The following CEP63 variants were observed in gnomAD, a reference collection of about 807,000 sequenced individuals.
The protein encoded by CEP63 is centrosomal protein 63, also known as centrosomal protein of 63 kDa.
A neutral mutation model predicts 89.1 loss-of-function variants in CEP63; 84 were observed. The ratio of observed to expected loss-of-function variants is 0.94; its 90% confidence interval spans 0.79 to 1.13. The LOEUF (loss-of-function observed/expected upper bound fraction) is 1.13. CEP63 is among the 50% of genes most tolerant of loss of function. The pLI is 0.00. For synonymous variants in CEP63, 267 were observed against 272.5 expected (o/e 0.98, Z 0.20); for missense variants, 838 against 813.3 (o/e 1.03, Z -0.37).
chr3:134,532,926 A>T (rs376732231), intron 5 of CEP63, 26 bp downstream of exon 5: 274 of 1,611,750 alleles, frequency 1.7e-4, no homozygotes, highest in Non-Finnish European at 2.2e-4. Flanking sequence ...TAATTTGTTC[A>T]TAGTGATTGT....
the CEP63 span, among the ~76,000 whole-genome samples, chr3:134,622,723 G>A: frequency 5.5e-4 from 84 of 152,232 alleles, no homozygotes; most frequent in African/African-American, 1.6e-3. Flanking sequence ...AGCTTTCTTC[G>A]TAGGGGCCCT....
At chr3:134,658,438 G>A in the CEP63 span, among the ~76,000 whole-genome samples, 7 of 152,290 alleles carry the variant, frequency 4.6e-5, no homozygotes, top group African/African-American at 1.7e-4. Flanking sequence ...GCAGAGTCAT[G>A]GTCATAGCTT....
chr3:134,668,511 C>T, the CEP63 span, among the ~76,000 whole-genome samples: 3 of 152,198 alleles, frequency 2.0e-5, no homozygotes, highest in Admixed American at 2.0e-4. Context: ...ATTGAGCCCA[C>T]CTAGAGTGGA....
At chr3:134,748,799 T>G in the CEP63 span, among the ~76,000 whole-genome samples, 1 of 152,046 alleles carries the variant, frequency 6.6e-6, no homozygotes, top group East Asian at 1.9e-4. Context: ...GAGCTTGAAG[T>G]CTAGGGACAG....
At chr3:134,749,292 G>A in the CEP63 span, among the ~76,000 whole-genome samples, 2 of 152,178 alleles carry the variant, frequency 1.3e-5, no homozygotes, top group Non-Finnish European at 2.9e-5. Context: ...CACTGGGGAT[G>A]CTTATGCTGG....
At chr3:134,495,115 G>A (rs1025291857) in intron 1 of CEP63, among the ~76,000 whole-genome samples, 181 bp from the exon 2 acceptor site, 2 of 152,172 alleles carry the variant, frequency 1.3e-5, no homozygotes, top group African/African-American at 2.4e-5. Flanking sequence ...GTTTTAGTCC[G>A]AAATAGTTTG....
At chr3:134,667,416 C>T in the CEP63 span, among the ~76,000 whole-genome samples, 1 of 152,156 alleles carries the variant, frequency 6.6e-6, no homozygotes, top group Admixed American at 6.5e-5. Flanking sequence ...GGGTGCATTA[C>T]TGAGTTGGTC....
At chr3:134,764,507 T>G in the CEP63 span, among the ~76,000 whole-genome samples, 4 of 152,166 alleles carry the variant, frequency 2.6e-5, no homozygotes, top group Admixed American at 6.5e-5. Flanking sequence ...CGGTCATCAG[T>G]TCTGCTGCAT....
chr3:134,725,314 A>G, the CEP63 span, among the ~76,000 whole-genome samples: 1 of 151,874 alleles, frequency 6.6e-6, no homozygotes, highest in African/African-American at 2.4e-5. Context: ...TTTTTTTTAA[A>G]TGTGCTCCCC....
the CEP63 span, among the ~76,000 whole-genome samples, chr3:134,759,162 C>A: frequency 6.6e-6 from 1 of 152,202 alleles, no homozygotes; most frequent in African/African-American, 2.4e-5. Flanking sequence ...ACTTCTGACT[C>A]TAGAACTGTT....
At chr3:134,567,085 A>C (rs1269773625), downstream of CEP63, among the ~76,000 whole-genome samples, 1 of 152,166 alleles carries the variant, frequency 6.6e-6, no homozygotes, top group African/African-American at 2.4e-5. Context: ...TGGGAGCAAA[A>C]AGATTTGAAT....
chr3:134,703,675 G>A, the CEP63 span, among the ~76,000 whole-genome samples: 2 of 152,170 alleles, frequency 1.3e-5, no homozygotes, highest in African/African-American at 4.8e-5. Context: ...ATAGCTAATG[G>A]ATGCTGGGCT....
intron 2 of CEP63, among the ~76,000 whole-genome samples, chr3:134,503,100 C>CTTTTTTTTTTTTTTTTTT (rs34673408): frequency 5.0e-4 from 46 of 92,032 alleles, no homozygotes; most frequent in Non-Finnish European, 5.4e-4. Context: ...TGATTTCAAT[C>CTTTTTTTTTTTTTTTTTT]TTTTTTTTTT....
chr3:134,737,210 AT>A, the CEP63 span, among the ~76,000 whole-genome samples: 1 of 152,216 alleles, frequency 6.6e-6, no homozygotes, highest in African/African-American at 2.4e-5. Flanking sequence ...AGAAGGAGAT[AT>A]AGAGAAATTT....
the CEP63 span, among the ~76,000 whole-genome samples, chr3:134,626,047 C>T: frequency 1.8e-4 from 27 of 152,218 alleles, no homozygotes; most frequent in East Asian, 5.8e-4. Flanking sequence ...ACCCCTGTCC[C>T]GGCCCAGAAG....
chr3:134,550,368 C>A, intron 11 of CEP63, 108 bp downstream of exon 11: 2 of 1,090,524 alleles, frequency 1.8e-6, no homozygotes, highest in African/African-American at 1.6e-5. Flanking sequence ...TTATTAGATA[C>A]CTGCTTTGAG....
the CEP63 span, among the ~76,000 whole-genome samples, chr3:134,714,410 T>A: frequency 6.6e-6 from 1 of 152,200 alleles, no homozygotes; most frequent in African/African-American, 2.4e-5. Flanking sequence ...CTTCAACATG[T>A]GCTAATTCAT....
intron 3 of CEP63, among the ~76,000 whole-genome samples, chr3:134,530,712 A>G (rs952635369): frequency 6.6e-6 from 1 of 152,022 alleles, no homozygotes; most frequent in Non-Finnish European, 1.5e-5. Flanking sequence ...TTTCCATTTT[A>G]TTGGCTGTAT....
chr3:134,693,018 G>A, the CEP63 span, among the ~76,000 whole-genome samples: 3 of 152,162 alleles, frequency 2.0e-5, no homozygotes, highest in Non-Finnish European at 2.9e-5. Context: ...GCCTGGTGGA[G>A]ACTTCCAGTT....
Sources: allele counts gnomAD v4.1 joint callset (sites outside exome capture counted in the v4.1 genomes callset), GRCh38; gene constraint gnomAD v4.1.1; transcripts MANE v1.5; gene names NCBI Gene and HGNC (gene_info 2026-07-23, HGNC 2026-07-21).